The following CERKL variants were observed in gnomAD, a reference collection of about 807,000 sequenced individuals.
The protein encoded by CERKL is ceramide kinase-like protein.
CERKL carries 61 observed loss-of-function variants against 63.4 expected under a neutral mutation model. That is an observed-to-expected ratio of 0.96 (90% confidence interval 0.78 to 1.19). The LOEUF is 1.19. Ranked by LOEUF, CERKL falls within the 50% of genes most tolerant of loss-of-function variation. The pLI is 0.00. For synonymous variants in CERKL, 250 were observed against 230.5 expected, an observed-to-expected ratio of 1.08 and a Z score of -0.77; for missense variants, 675 against 655.5, an observed-to-expected ratio of 1.03 and a Z score of -0.33.
At chr2:181,646,851 A>G (rs1321465403) in intron 1 of CERKL, among the ~76,000 whole-genome samples, 1 of 152,222 alleles carries the variant, frequency 6.6e-6, no homozygotes, top group East Asian at 1.9e-4. Flanking sequence ...GCCAGGTCTC[A>G]GATGGTTGAA....
intron 11 of CERKL, among the ~76,000 whole-genome samples, chr2:181,543,530 T>C (rs1450955267): frequency 6.6e-6 from 1 of 152,182 alleles, no homozygotes; most frequent in African/African-American, 2.4e-5. Flanking sequence ...TTCATGAAGA[T>C]GGCCTAAGAA....
intron 11 of CERKL, among the ~76,000 whole-genome samples, chr2:181,542,314 G>A (rs907892187): frequency 1.3e-5 from 2 of 152,106 alleles, no homozygotes; most frequent in East Asian, 1.9e-4. Context: ...AGTAACATTC[G>A]CTTATTCAAC....
chr2:181,641,938 T>C (rs1180380580), intron 1 of CERKL, among the ~76,000 whole-genome samples: 1 of 152,188 alleles, frequency 6.6e-6, no homozygotes, highest in Non-Finnish European at 1.5e-5. Flanking sequence ...TTGTTTTCTG[T>C]GAGACCCAAC....
In CERKL at chr2:181,656,891, G is replaced by C; in HGVS notation, c.116C>G (p.Thr39Arg). 6.2e-7 allele frequency: 1 copy of C among 1,605,056 alleles called. No individual in the cohort carries two copies. Among genetic ancestry groups the C allele is most frequent in the Admixed American group, 1.7e-5 (1 of 59,784 alleles). Residue 39 changes from threonine to arginine, a missense_variant, in exon 1 of 13, where the codon ACG becomes AGG. Thr to Arg is a moderately conservative substitution (Grantham distance 71). Transcript: ENST00000410087. Reference sequence around the variant, plus strand: ...CAGAATCCGCTCGGCCGCCGCCTCCGTCTGCTGCGGGGACGTTAACAGCGC... The same window carrying C: ...CAGAATCCGCTCGGCCGCCGCCTCCCTCTGCTGCGGGGACGTTAACAGCGC... ...PPALLTSPQQ[T>R]EAAAERILLR...
At chr2:181,565,370 C>T (rs2105831839) in intron 4 of CERKL, 1 of 1,157,628 alleles carries the variant, frequency 8.6e-7, no homozygotes, top group African/African-American at 1.5e-5. Context: ...CACATCAGTC[C>T]AACACTTTAG....
chr2:181,623,656 C>G (rs1686554998), intron 1 of CERKL, among the ~76,000 whole-genome samples: 1 of 152,110 alleles, frequency 6.6e-6, no homozygotes, highest in Non-Finnish European at 1.5e-5. Context: ...AATCGTTGAA[C>G]AAAGATTGGA....
chr2:181,558,706 A>G lies in CERKL; in HGVS notation c.680T>C (p.Val227Ala), dbSNP rs1688312028. The stretch of plus-strand genomic sequence containing the variant: ...AGATCCATCTCCACCAACACAGACA[A>G]CACTAGAAAAATACAAATCAAGCAA... ...KECELQGFDG[V>A]VCVGGDGSAS... Residue 227 changes from valine (V) to alanine (A), a missense_variant and splice_region_variant, in exon 5 of 13, where the codon GTT becomes GCT. Transcript: ENST00000410087. This position sits in a 1 kb window ranked among gnomAD's most constrained non-coding sequence, Gnocchi z 4.2. The G allele has an allele frequency of 6.2e-7, 1 of 1,613,410 alleles. No individual in the cohort carries two copies. Among genetic ancestry groups the G allele is most frequent in the African/African-American group, 1.3e-5 (1 of 74,886 alleles).
At chr2:181,632,722 G>C (rs963055088) in intron 1 of CERKL, among the ~76,000 whole-genome samples, 2 of 152,122 alleles carry the variant, frequency 1.3e-5, no homozygotes, top group Non-Finnish European at 2.9e-5. Context: ...GTACCTGAAG[G>C]CGCTTTTCCA....
At chr2:181,567,175 A>C (rs1052151411) in intron 3 of CERKL, among the ~76,000 whole-genome samples, 1 of 152,172 alleles carries the variant, frequency 6.6e-6, no homozygotes, top group Non-Finnish European at 1.5e-5. Context: ...ATTAAATTCC[A>C]ATCAGAAGAA....
In CERKL at chr2:181,566,054, C is replaced by T. The variant is rs1688652219; in HGVS notation, c.677+4G>A. 6.3e-7 allele frequency: 1 copy of T among 1,577,946 alleles called. No individual in the cohort carries two copies. Among genetic ancestry groups the T allele is most frequent in the Non-Finnish European group, 8.7e-7 (1 of 1,147,984 alleles). On this transcript the variant is annotated splice_donor_region_variant and intron_variant, in intron 4 of 12. Coordinates refer to ENST00000410087, the MANE Select transcript of CERKL (RefSeq NM_201548.5). ...AACATATATTGATTAATAATATAAC[C>T]TACCCATCAAATCCCTGGAGTTCAC...
intron 1 of CERKL, among the ~76,000 whole-genome samples, chr2:181,626,242 T>C (rs529848760): frequency 1.3e-5 from 2 of 152,168 alleles, no homozygotes; most frequent in East Asian, 3.9e-4. Context: ...GATCTCTGAA[T>C]GTTCAAAATG....
At chr2:181,559,906 T>C (rs1363635030) in intron 4 of CERKL, among the ~76,000 whole-genome samples, 1 of 152,150 alleles carries the variant, frequency 6.6e-6, no homozygotes. Flanking sequence ...GCTACTCTGG[T>C]TAGAAGACTC....
In CERKL at chr2:181,627,481, A is replaced by G. The variant is rs559213102; in HGVS notation, c.239-23402T>C. Among the ~76,000 whole-genome samples the G allele has an allele frequency of 9.8e-4, 149 of 152,348 alleles. 1 individual carries two copies. Among genetic ancestry groups the G allele is most frequent in the Admixed American group, 9.5e-3 (145 of 15,304 alleles). On this transcript the variant is annotated intron_variant, in intron 1 of 12. Coordinates refer to ENST00000410087, the MANE Select transcript of CERKL (RefSeq NM_201548.5). ...TCTTGCTGTTCCTAGGGAGGAATAA[A>G]TCTTTTCCCAAACATTTTGGGGAAA...
chr2:181,626,722 G>A (rs1686721508), intron 1 of CERKL, among the ~76,000 whole-genome samples: 1 of 152,224 alleles, frequency 6.6e-6, no homozygotes, highest in African/African-American at 2.4e-5. Context: ...GGGTACTGGG[G>A]AAAAAGGAGA....
chr2:181,542,382 T>A lies in CERKL; in HGVS notation c.1365+2318A>T, dbSNP rs577121253. ...CTCTCCTTAAACTGAATTGCCACAT[T>A]TTCCTTCCTGAATACCAGCACTGCT... On this transcript the variant is annotated intron_variant, in intron 11 of 12. Transcript: ENST00000410087. Among the ~76,000 whole-genome samples, 114 of 152,338 alleles carry A rather than the reference T, an allele frequency of 7.5e-4. 1 individual carries two copies. Among genetic ancestry groups the A allele is most frequent in the Non-Finnish European group, 1.8e-4 (12 of 68,032 alleles).
At position 181,537,904 on chromosome 2, in the gene CERKL, C is replaced by A. The variant is rs1198091694; in HGVS notation, c.*280G>T. ...AGCAATGGAGCATTACTGAGTTCCTCCCCCTGTCAGATCAGCAGCAGCATT... is the reference window on the plus strand; with the variant it reads ...AGCAATGGAGCATTACTGAGTTCCTACCCCTGTCAGATCAGCAGCAGCATT... On this transcript the variant is annotated 3_prime_UTR_variant, in exon 13 of 13. Coordinates refer to ENST00000410087, the MANE Select transcript of CERKL (RefSeq NM_201548.5). 1.8e-6 allele frequency: 1 copy of A among 565,958 alleles called. No individual in the cohort carries two copies. The highest frequency in any genetic ancestry group is 4.0e-5 in the East Asian group (1 of 25,040). The allele number at this position is 565,958 out of a possible 1,614,324, so 35.1% of individuals were successfully genotyped here. A position where few individuals can be genotyped will look rare whatever the true frequency, so the allele number is the denominator to read the frequency against.
At position 181,565,455 on chromosome 2, in the gene CERKL, C is replaced by T. The variant is rs770154021; in HGVS notation, c.677+603G>A. ...TGCCTTGGTTCTAACGTTTGCATGC[C>T]AGTGAACAATCTCTGTACACTCCAA... On this transcript the variant is annotated intron_variant, in intron 4 of 12. Coordinates refer to ENST00000410087, the MANE Select transcript of CERKL (RefSeq NM_201548.5). 6 of 1,612,164 alleles carry T rather than the reference C, an allele frequency of 3.7e-6. No homozygotes were observed. In the South Asian group the frequency reaches 4.4e-5, roughly 12 times the overall value.
At chr2:181,604,312 AAAAAT>A (rs1389446515) in intron 1 of CERKL, among the ~76,000 whole-genome samples, 5 of 152,216 alleles carry the variant, frequency 3.3e-5, no homozygotes, top group Non-Finnish European at 7.3e-5. Flanking sequence ...CTAAAAGTTA[AAAAAT>A]AAAATGAATT....
intron 2 of CERKL, among the ~76,000 whole-genome samples, chr2:181,591,127 T>A (rs1381102728): frequency 6.6e-6 from 1 of 152,196 alleles, no homozygotes. Context: ...TATATGCTGT[T>A]AAGTTTAAAA....
Sources: gnomAD v4.1 joint callset for allele counts (sites outside exome capture counted in the v4.1 genomes callset) on GRCh38, gnomAD v4.1.1 for gene constraint, Gnocchi (gnomAD v3.1) non-coding constraint, MANE v1.5 for transcripts, NCBI Gene and HGNC (gene_info 2026-07-23, HGNC 2026-07-21) for gene names.